ITGB3BP: variants seen among roughly 807,000 people sequenced by gnomAD.
ITGB3BP encodes the protein centromere protein R.
ITGB3BP carries 27 observed loss-of-function variants against 29.1 expected under a neutral mutation model. That is an observed-to-expected ratio of 0.93 (90% CI 0.68 to 1.28). The LOEUF (loss-of-function observed/expected upper bound fraction) is 1.28. Among genes scored for constraint, ITGB3BP ranks in the 50% most tolerant of loss-of-function variants. The pLI is 0.00. For missense variants in ITGB3BP, 192 were observed against 200.2 expected (o/e 0.96, Z 0.25); for synonymous variants, 61 against 61.4 (o/e 0.99, Z 0.03).
chr1:63,524,132 C>T (rs1483313774), upstream of ITGB3BP, among the ~76,000 whole-genome samples: 1 of 152,110 alleles, frequency 6.6e-6, no homozygotes, highest in African/African-American at 2.4e-5. Context: ...TTGGGATTTC[C>T]ATGTGAGGGA....
chr1:63,520,143 T>TA (rs1441680483), intron 1 of ITGB3BP, among the ~76,000 whole-genome samples: 1 of 152,118 alleles, frequency 6.6e-6, no homozygotes, highest in Admixed American at 6.5e-5. Flanking sequence ...TTTGATTACT[T>TA]ACAGCAAGAG....
intron 4 of ITGB3BP, among the ~76,000 whole-genome samples, chr1:63,465,831 T>G (rs1645090193): frequency 6.6e-6 from 1 of 152,224 alleles, no homozygotes; most frequent in African/African-American, 2.4e-5. Flanking sequence ...GAGTCATGTT[T>G]CTATTCAAAT....
chr1:63,454,990 A>G lies in ITGB3BP; in HGVS notation c.255-22T>C, dbSNP rs752645180. 5.8e-6 allele frequency: 7 copies of G among 1,206,000 alleles called. No individual in the cohort carries two copies. The Admixed American group carries it at 1.2e-4, about 21-fold the overall frequency. 74.7% of individuals were successfully genotyped at this position (1,206,000 alleles called of 1,614,324 possible). ...GAATCTAGTAATAAAGAAAAAGACA[A>G]TACTTAGCAAGGGGAAGCATTTAAA... On this transcript the variant is annotated intron_variant, in intron 4 of 8. Coordinates refer to ENST00000271002, the MANE Select transcript of ITGB3BP (RefSeq NM_014288.5). This position sits in a 1 kb window ranked among gnomAD's most constrained non-coding sequence, Gnocchi z 4.1.
At chr1:63,446,729 A>G (rs779291902) in intron 8 of ITGB3BP, 77 bp downstream of exon 8, 24 of 1,010,862 alleles carry the variant, frequency 2.4e-5, no homozygotes, top group Non-Finnish European at 3.7e-5. Context: ...CTGATAATGT[A>G]AATAAAATGT....
intron 4 of ITGB3BP, among the ~76,000 whole-genome samples, chr1:63,477,916 T>C (rs2100621575): frequency 6.6e-6 from 1 of 152,248 alleles, no homozygotes; most frequent in African/African-American, 2.4e-5. Flanking sequence ...AATACAGCTG[T>C]CCCTCAATAT....
chr1:63,511,700 T>C (rs766712316), intron 1 of ITGB3BP, among the ~76,000 whole-genome samples: 6 of 152,148 alleles, frequency 3.9e-5, no homozygotes, highest in Non-Finnish European at 7.4e-5. Flanking sequence ...AAAGGACAAA[T>C]ATTGTATTAT....
intron 1 of ITGB3BP, among the ~76,000 whole-genome samples, chr1:63,517,602 G>C (rs528215268): frequency 2.0e-5 from 3 of 152,064 alleles, no homozygotes; most frequent in Non-Finnish European, 4.4e-5. Context: ...ATTGATCTTT[G>C]TACACTGATT....
Position 63,454,265 on chromosome 1 carries a change from A to AT in ITGB3BP, c.427+114dup, listed in dbSNP as rs1403761996. On this transcript the variant is annotated intron_variant, in intron 6 of 8. Coordinates refer to ENST00000271002, the MANE Select transcript of ITGB3BP (RefSeq NM_014288.5). The surrounding 1 kb of genome is among the most constrained non-coding windows in gnomAD (Gnocchi z 4.1). ...CTTCTTATTTAAAGAAGGTAATAGT[A>AT]TTTTTATCACATGTCCAGTAATGGT... 3.9e-6 allele frequency: 2 copies of AT among 509,766 alleles called. No individual in the cohort carries two copies. The highest frequency in any genetic ancestry group is 7.0e-6 in the Non-Finnish European group (2 of 286,470). 31.6% of individuals were successfully genotyped at this position (509,766 alleles called of 1,614,324 possible).
At position 63,502,753 on chromosome 1, in the gene ITGB3BP, G is replaced by T. The variant is rs184387600; in HGVS notation, c.48+5775C>A. Among the ~76,000 whole-genome samples, 3 of 147,484 alleles carry T rather than the reference G, an allele frequency of 2.0e-5. No individual in the cohort carries two copies. In the Admixed American group the frequency reaches 2.1e-4, roughly 10 times the overall value. ...TTGTTCAATTCCCACCTACGAGTGA[G>T]AACACGCGGTGTTTGGTTTTTTGTC... On this transcript the variant is annotated intron_variant, in intron 2 of 8. Coordinates refer to ENST00000271002, the MANE Select transcript of ITGB3BP (RefSeq NM_014288.5).
At chr1:63,464,984 G>T (rs1444483953) in intron 4 of ITGB3BP, among the ~76,000 whole-genome samples, 2 of 152,068 alleles carry the variant, frequency 1.3e-5, no homozygotes, top group Non-Finnish European at 2.9e-5. Flanking sequence ...ATCTTGGATT[G>T]AATCCTGCAT....
At chr1:63,501,399 TG>T (rs1471792702) in intron 2 of ITGB3BP, among the ~76,000 whole-genome samples, 1 of 134,930 alleles carries the variant, frequency 7.4e-6, no homozygotes, top group African/African-American at 2.8e-5. Flanking sequence ...TTATATGAAA[TG>T]GTCAGAAGAA....
intron 4 of ITGB3BP, among the ~76,000 whole-genome samples, chr1:63,478,044 C>A (rs538355223): frequency 1.3e-5 from 2 of 152,246 alleles, no homozygotes; most frequent in South Asian, 4.1e-4. Flanking sequence ...ATACTTTAAT[C>A]ATCTCTAGAT....
chr1:63,479,224 T>C (rs1203963813), intron 3 of ITGB3BP, among the ~76,000 whole-genome samples: 1 of 152,158 alleles, frequency 6.6e-6, no homozygotes, highest in African/African-American at 2.4e-5. Context: ...TTTTCTCAAG[T>C]TAACAACAAG....
chr1:63,478,640 A>C lies in ITGB3BP; in HGVS notation c.254+124T>G, dbSNP rs578106505. On this transcript the variant is annotated intron_variant, in intron 4 of 8. Coordinates refer to ENST00000271002, the MANE Select transcript of ITGB3BP (RefSeq NM_014288.5). ...AAGGTATTCTACTTACTTAAGAAAG[A>C]ATATTTCAGGTCAGGTATAAACTAT... The C allele has an allele frequency of 1.5e-5, 8 of 546,388 alleles. No individual in the cohort carries two copies. In the East Asian group the frequency reaches 2.8e-4, roughly 19 times the overall value. 33.8% of individuals were successfully genotyped at this position (546,388 alleles called of 1,614,324 possible). A position where few individuals can be genotyped will look rare whatever the true frequency, so the allele number is the denominator to read the frequency against.
intron 4 of ITGB3BP, among the ~76,000 whole-genome samples, chr1:63,476,378 T>C (rs1184421590): frequency 1.3e-5 from 2 of 152,192 alleles, no homozygotes; most frequent in African/African-American, 4.8e-5. Context: ...CTATTATTTT[T>C]ATATGTTGTA....
At chr1:63,484,370 C>A (rs769917575) in intron 3 of ITGB3BP, among the ~76,000 whole-genome samples, 1 of 151,768 alleles carries the variant, frequency 6.6e-6, no homozygotes. Flanking sequence ...TAGGAAGGGA[C>A]GACTGTATAA....
chr1:63,523,087 G>C (rs1646498962), intron 1 of ITGB3BP, 42 bp downstream of exon 1: 1 of 1,612,410 alleles, frequency 6.2e-7, no homozygotes, highest in Non-Finnish European at 8.5e-7. Context: ...TCTTCTTGCA[G>C]AGGGCCCCCA....
chr1:63,493,759 G>A (rs956063446), intron 2 of ITGB3BP, among the ~76,000 whole-genome samples: 8 of 152,084 alleles, frequency 5.3e-5, no homozygotes, highest in East Asian at 1.9e-4. Context: ...TACCAAAAAA[G>A]TGCCTACATT....
intron 4 of ITGB3BP, among the ~76,000 whole-genome samples, chr1:63,475,075 A>T (rs1354356826): frequency 1.3e-5 from 2 of 152,062 alleles, no homozygotes; most frequent in Non-Finnish European, 2.9e-5. Context: ...CCTAGGCTCA[A>T]GTGATCCTCC....
Sources: allele counts gnomAD v4.1 joint callset (sites outside exome capture counted in the v4.1 genomes callset), GRCh38; gene constraint gnomAD v4.1.1; non-coding constraint Gnocchi (gnomAD v3.1); transcripts MANE v1.5; gene names NCBI Gene and HGNC (gene_info 2026-07-23, HGNC 2026-07-21).